MCM10: variants seen among roughly 807,000 people sequenced by gnomAD.
The protein encoded by MCM10 is protein MCM10 homolog.
A neutral mutation model predicts 109.9 loss-of-function variants in MCM10; 91 were observed. That is an observed-to-expected ratio of 0.83 (90% CI 0.70 to 0.99). The LOEUF (loss-of-function observed/expected upper bound fraction) is 0.99, where lower values mean the gene tolerates loss of function less well. Ranked by LOEUF, MCM10 falls within the 50% of genes least tolerant of loss-of-function variation. The pLI is 0.00. For missense variants in MCM10, 1,077 were observed against 1,061.2 expected (o/e 1.01, Z -0.21); for synonymous variants, 380 against 387.2 (o/e 0.98, Z 0.22).
chr10:13,204,125 A>G, intron 17 of MCM10, 94 bp from the exon 18 acceptor site: 1 of 1,460,824 alleles, frequency 6.8e-7, no homozygotes, highest in Non-Finnish European at 9.3e-7. Flanking sequence ...ATGAGAGACC[A>G]GGTGGTCATG....
chr10:13,197,489 T>C (rs2274109), intron 14 of MCM10, 134 bp from the exon 15 acceptor site: 117,704 of 687,146 alleles, frequency 0.17, 11,161 homozygotes, highest in Middle Eastern at 0.2. Flanking sequence ...CTAAGTAAAA[T>C]TAAGATATGT....
intron 3 of MCM10, 97 bp downstream of exon 3, chr10:13,171,360 T>A: frequency 8.9e-7 from 1 of 1,117,832 alleles, no homozygotes. Flanking sequence ...GATTCAAGGG[T>A]AGAGATAAAT....
chr10:13,205,194 C>T (rs764077754), intron 18 of MCM10, among the ~76,000 whole-genome samples: 1 of 151,920 alleles, frequency 6.6e-6, no homozygotes, highest in African/African-American at 2.4e-5. Flanking sequence ...CTCCCTCGCC[C>T]CCTCCCACCC....
chr10:13,203,718 T>C (rs1440818353), intron 17 of MCM10, among the ~76,000 whole-genome samples: 1 of 152,180 alleles, frequency 6.6e-6, no homozygotes, highest in African/African-American at 2.4e-5. Flanking sequence ...TAAAAGTGAA[T>C]TCCTCAATCT....
chr10:13,186,276 A>G lies in MCM10; in HGVS notation c.1211A>G (p.Asn404Ser), dbSNP rs907795804. 4.4e-6 allele frequency: 7 copies of G among 1,606,418 alleles called. No homozygotes were observed. In the African/African-American group the frequency reaches 9.4e-5, roughly 22 times the overall value. The change falls in exon 9 of 20, where the codon AAT becomes AGT. Residue 404 changes from asparagine (N) to serine (S), a missense_variant. Transcript: ENST00000378714. ...GGAGAGCCGTGCACGCAGACTGTGA[A>G]TTTGGTTGGTTTCAGCCTTGTTAGG... Reference protein sequence around the residue: ...KNGEPCTQTVNLRDCEYCQYH... With the variant: ...KNGEPCTQTVSLRDCEYCQYH...
intron 18 of MCM10, among the ~76,000 whole-genome samples, chr10:13,206,558 A>G (rs1056121963): frequency 9.9e-5 from 15 of 152,240 alleles, no homozygotes; most frequent in African/African-American, 3.4e-4. Context: ...TGGCTTGCCA[A>G]TTTTTCACAA....
Position 13,169,291 on chromosome 10 carries a change from C to T in MCM10, c.8-1631C>T, listed in dbSNP as rs563063209. ...ACGCGGCAACCCATTTCTCTGGGAC[C>T]TCTCTGCTGCCGAGAGCTCTTCTCT... On this transcript the variant is annotated intron_variant, in intron 2 of 19. Transcript: ENST00000378714. 3.3e-5 allele frequency among the ~76,000 whole-genome samples: 5 copies of T among 152,358 alleles called. No homozygotes were observed. The East Asian group carries it at 9.6e-4, about 29-fold the overall frequency.
In MCM10 at chr10:13,195,062, A is replaced by G; in HGVS notation, c.1767A>G (p.Glu589=). The G allele has an allele frequency of 6.2e-7, 1 of 1,613,912 alleles. No individual in the cohort carries two copies. Among genetic ancestry groups the G allele is most frequent in the Non-Finnish European group, 8.5e-7 (1 of 1,179,910 alleles). The part of the protein sequence containing the change: ...IQKRFLQSSS[E]VESPAVPSSS... ...AAAGATTTCTGCAGAGCTCAAGTGA[A>G]GTTGAGAGCCCAGCTGTGCCATCTT... Residue 589 remains glutamate (E), a synonymous_variant, in exon 14 of 20, where the codon GAA becomes GAG. Transcript: ENST00000378714.
rs766989423 is a variant in MCM10, at chr10:13,180,588, C to T, written c.911C>T (p.Thr304Met). The T allele has an allele frequency of 1.5e-4, 248 of 1,613,952 alleles. No individual in the cohort carries two copies. The highest frequency in any genetic ancestry group is 2.0e-4 in the Non-Finnish European group (239 of 1,180,010). The change falls in exon 7 of 20, where the codon ACG becomes ATG. Residue 304 changes from threonine to methionine, a missense_variant. Physicochemically the swap from Thr to Met is moderately conservative, Grantham distance 81 (BLOSUM62 -1). Transcript: ENST00000378714. ...VTFGVILKKVTPQSVNSGKTF... is the reference protein window; with the variant it reads ...VTFGVILKKVMPQSVNSGKTF... ...TTTGGGGTTATATTGAAGAAGGTTA[C>T]GCCACAGAGTGTGAATAGTGTAAGC...
At chr10:13,174,252 C>T (rs753191320) in intron 5 of MCM10, among the ~76,000 whole-genome samples, 1 of 147,660 alleles carries the variant, frequency 6.8e-6, no homozygotes, top group Non-Finnish European at 1.5e-5. Context: ...AAGTGATTCT[C>T]CTGCCTCAGC....
At chr10:13,165,283 A>G (rs1444875211) in intron 2 of MCM10, among the ~76,000 whole-genome samples, 1 of 152,216 alleles carries the variant, frequency 6.6e-6, no homozygotes, top group African/African-American at 2.4e-5. Flanking sequence ...TAAAGTATCT[A>G]TTGCACTCTC....
At chr10:13,204,770 C>G (rs1297349303) in intron 18 of MCM10, among the ~76,000 whole-genome samples, 1 of 151,880 alleles carries the variant, frequency 6.6e-6, no homozygotes, top group East Asian at 1.9e-4. Context: ...ATCCAAGGGG[C>G]ATTGGTCCCA....
At chr10:13,192,666 G>A in intron 13 of MCM10, 98 bp downstream of exon 13, 4 of 1,076,624 alleles carry the variant, frequency 3.7e-6, no homozygotes, top group Non-Finnish European at 5.6e-6. Context: ...TCAGGTTTCG[G>A]TTGGCTGCGT....
rs754215047 is a variant in MCM10 at position 13,192,525 on chromosome 10, A to C, written c.1702A>C (p.Met568Leu). Residue 568 changes from methionine to leucine, a missense_variant, in exon 13 of 20, where the codon ATG becomes CTG. Met to Leu is a conservative substitution (Grantham distance 15). Coordinates refer to ENST00000378714, the MANE Select transcript of MCM10 (RefSeq NM_018518.5). ...SALLKQQKQR[M>L]LEMRRRKSEE... Reference sequence around the variant, plus strand: ...ACTCTTGAAGCAACAGAAGCAGCGGATGTTGGAGATGAGGAGAAGGAAATC... The same window carrying C: ...ACTCTTGAAGCAACAGAAGCAGCGGCTGTTGGAGATGAGGAGAAGGAAATC... The C allele has an allele frequency of 5.0e-6, 8 of 1,614,076 alleles. No individual in the cohort carries two copies. Among genetic ancestry groups the C allele is most frequent in the Middle Eastern group, 3.3e-4 (2 of 6,084 alleles).
intron 14 of MCM10, among the ~76,000 whole-genome samples, chr10:13,195,735 C>T (rs556911147): frequency 1.3e-5 from 2 of 151,996 alleles, no homozygotes; most frequent in Non-Finnish European, 2.9e-5. Context: ...TTCAGCCTCC[C>T]GAGTACCTGG....
Position 13,192,263 on chromosome 10 carries a change from C to G in MCM10, c.1525C>G (p.Gln509Glu). 6.2e-7 allele frequency: 1 copy of G among 1,612,874 alleles called. No individual in the cohort carries two copies. The highest frequency in any genetic ancestry group is 8.5e-7 in the Non-Finnish European group (1 of 1,178,934). The change falls in exon 12 of 20, where the codon CAG becomes GAG. Residue 509 changes from glutamine to glutamate, a missense_variant. Gln to Glu is a conservative substitution (Grantham distance 29). Transcript: ENST00000378714. ...GTGTTGACCTGGCACAGGAATACCC[C>G]AGAAGAGCCTGTCTTGCTCTGAGGA... ...QETRQKLGIP[Q>E]KSLSCSEEFK...
intron 18 of MCM10, among the ~76,000 whole-genome samples, chr10:13,207,235 AGAT>A (rs914340645): frequency 3.9e-5 from 6 of 152,242 alleles, no homozygotes; most frequent in African/African-American, 1.2e-4. Flanking sequence ...AAGCAACCAT[AGAT>A]AATACACAGG....
intron 2 of MCM10, among the ~76,000 whole-genome samples, chr10:13,164,908 A>T (rs1023437934): frequency 6.6e-6 from 1 of 152,240 alleles, no homozygotes; most frequent in Admixed American, 6.5e-5. Flanking sequence ...TTAAAAAATT[A>T]AAATGATTGT....
At chr10:13,198,566 G>A in intron 15 of MCM10, 123 bp from the exon 16 acceptor site, 1 of 681,478 alleles carries the variant, frequency 1.5e-6, no homozygotes, top group Non-Finnish European at 2.6e-6. Context: ...ACCAGCGGGG[G>A]TAGGTCAAGT....
Sources: gnomAD v4.1 joint callset for allele counts (sites outside exome capture counted in the v4.1 genomes callset) on GRCh38, gnomAD v4.1.1 for gene constraint, MANE v1.5 for transcripts, NCBI Gene and HGNC (gene_info 2026-07-23, HGNC 2026-07-21) for gene names.